The following RAP1GAP2 variants were observed in gnomAD, a reference collection of about 807,000 sequenced individuals.
RAP1GAP2 encodes RAP1 GTPase activating protein 2, also known as rap1 GTPase-activating protein 2.
RAP1GAP2 carries 27 observed loss-of-function variants against 95.0 expected under a neutral mutation model. The ratio of observed to expected loss-of-function variants is 0.28; its 90% confidence interval spans 0.21 to 0.39. The LOEUF (loss-of-function observed/expected upper bound fraction) is 0.39. Ranked by LOEUF, RAP1GAP2 falls within the 10% of genes least tolerant of loss-of-function variation. The pLI is 1.00. For missense variants in RAP1GAP2, 771 were observed against 970.0 expected, an observed-to-expected ratio of 0.79 and a Z score of 2.72; for synonymous variants, 373 against 380.9, an observed-to-expected ratio of 0.98 and a Z score of 0.24.
intron 1 of RAP1GAP2, among the ~76,000 whole-genome samples, chr17:2,777,571 G>T (rs528943357): frequency 6.6e-6 from 1 of 152,122 alleles, no homozygotes; most frequent in South Asian, 2.1e-4. Context: ...TCAGGGGTCC[G>T]TGTAGACTGT....
rs558974736 is a variant in RAP1GAP2, at chr17:2,836,149, C to T, written c.80+35599C>T. ...CCTGTGGGAGAATGAGTGGTGTGGT[C>T]GTCCCCCTTGCCTGAAGCTGTTATT... On this transcript the variant is annotated intron_variant, in intron 2 of 24. Coordinates refer to ENST00000254695, the MANE Select transcript of RAP1GAP2 (RefSeq NM_015085.5). 7.2e-5 allele frequency among the ~76,000 whole-genome samples: 11 copies of T among 152,146 alleles called. No homozygotes were observed. In the East Asian group the frequency reaches 9.7e-4, roughly 13 times the overall value.
intron 2 of RAP1GAP2, among the ~76,000 whole-genome samples, chr17:2,887,825 C>T (rs1458478251): frequency 6.6e-6 from 1 of 151,784 alleles, no homozygotes; most frequent in African/African-American, 2.4e-5. Flanking sequence ...CAGGTGCATA[C>T]CACCACACTG....
chr17:2,965,760 T>G lies in RAP1GAP2; in HGVS notation c.596+117T>G, dbSNP rs1008903229. On this transcript the variant is annotated intron_variant, in intron 8 of 24. Coordinates refer to ENST00000254695, the MANE Select transcript of RAP1GAP2 (RefSeq NM_015085.5). The surrounding 1 kb of genome is among the most constrained non-coding windows in gnomAD (Gnocchi z 4.7). ...ACTGACCAGTCTGGTCTGGGTGCACTGGCTGACGGGGACAGGCCTGCTGGA... is the reference window on the plus strand; with the variant it reads ...ACTGACCAGTCTGGTCTGGGTGCACGGGCTGACGGGGACAGGCCTGCTGGA... 2 of 773,606 alleles carry G rather than the reference T, an allele frequency of 2.6e-6. No homozygotes were observed. The highest frequency in any genetic ancestry group is 3.7e-4 in the Middle Eastern group (1 of 2,706). The allele number at this position is 773,606 out of a possible 1,614,324, so 47.9% of individuals were successfully genotyped here.
Position 3,005,807 on chromosome 17 carries a change from T to G in RAP1GAP2, c.1273-148T>G. ...TTGTTGGGATATTTGCAAGTGGGCT[T>G]GGCCTGGGCTAGAAATGATCCGCTG... On this transcript the variant is annotated intron_variant, in intron 15 of 24. Transcript: ENST00000254695. This position sits in a 1 kb window ranked among gnomAD's most constrained non-coding sequence, Gnocchi z 5.2. 2 of 758,804 alleles carry G rather than the reference T, an allele frequency of 2.6e-6. No individual in the cohort carries two copies. Among genetic ancestry groups the G allele is most frequent in the Non-Finnish European group, 4.5e-6 (2 of 448,240 alleles). 47.0% of individuals were successfully genotyped at this position (758,804 alleles called of 1,614,324 possible). A position where few individuals can be genotyped will look rare whatever the true frequency, so the allele number is the denominator to read the frequency against.
In RAP1GAP2 at chr17:2,849,998, G is replaced by GTTTTTTTTTTTTTTTTTTTTTT. The variant is rs1363363543; in HGVS notation, c.80+49448_80+49449insTTTTTTTTTTTTTTTTTTTTTT. ...GTGTCACTAACACCTAACACTGCCTGCTTTTTTTTTTTTTTTTTTTGAGAT... is the reference window on the plus strand; with the variant it reads ...GTGTCACTAACACCTAACACTGCCTGTTTTTTTTTTTTTTTTTTTTTTCTTTTTTTTTTTTTTTTTTTGAGAT... On this transcript the variant is annotated intron_variant, in intron 2 of 24. Transcript: ENST00000254695. Among the ~76,000 whole-genome samples, 8 of 136,130 alleles carry GTTTTTTTTTTTTTTTTTTTTTT rather than the reference G, an allele frequency of 5.9e-5. 1 individual carries two copies. The highest frequency in any genetic ancestry group is 4.7e-5 in the Non-Finnish European group (3 of 63,960). The allele number at this position is 136,130 out of a possible 152,430, so 89.3% of individuals were successfully genotyped here. A position where few individuals can be genotyped will look rare whatever the true frequency, so the allele number is the denominator to read the frequency against.
chr17:2,778,487 C>T (rs571144775), intron 1 of RAP1GAP2, among the ~76,000 whole-genome samples: 13 of 152,130 alleles, frequency 8.5e-5, no homozygotes, highest in South Asian at 4.1e-4. Flanking sequence ...AGAAGAGGAC[C>T]CTGCTGCTGG....
chr17:2,796,233 G>T (rs542024620), upstream of RAP1GAP2, among the ~76,000 whole-genome samples: 4 of 152,276 alleles, frequency 2.6e-5, no homozygotes, highest in Middle Eastern at 3.4e-3. This position sits in a 1 kb window ranked among gnomAD's most constrained non-coding sequence, Gnocchi z 4.7. Context: ...TGGGGCTGTG[G>T]AGCAATCTGC....
At position 3,018,201 on chromosome 17, in the gene RAP1GAP2, G is replaced by A. The variant is rs1194576825; in HGVS notation, c.1632+3G>A. ...AGGTCACCAAGACCACCTTCTCGGTGAGTGCTGGCAGGCCCCGGGGCGGCA... is the reference window on the plus strand; with the variant it reads ...AGGTCACCAAGACCACCTTCTCGGTAAGTGCTGGCAGGCCCCGGGGCGGCA... On this transcript the variant is annotated splice_donor_region_variant and intron_variant, in intron 18 of 24. Transcript: ENST00000254695. 5 of 1,563,742 alleles carry A rather than the reference G, an allele frequency of 3.2e-6. No homozygotes were observed. In the African/African-American group the frequency reaches 5.5e-5, roughly 17 times the overall value.
chr17:2,935,418 A>G lies in RAP1GAP2; in HGVS notation c.166-22341A>G, dbSNP rs58816598. Among the ~76,000 whole-genome samples the G allele has an allele frequency of 3.8e-3, 585 of 152,188 alleles. 7 individuals are homozygous for G. Among genetic ancestry groups the G allele is most frequent in the African/African-American group, 0.013 (559 of 41,520 alleles). ...GCTACTTGGGAGGCTGAGGCAGGAT[A>G]ATTGCTTGAACCTGGTAGGCGGAGG... On this transcript the variant is annotated intron_variant, in intron 3 of 24. Coordinates refer to ENST00000254695, the MANE Select transcript of RAP1GAP2 (RefSeq NM_015085.5).
rs186303706 is a variant in RAP1GAP2, at chr17:2,975,612, G to A, written c.597-4675G>A. On this transcript the variant is annotated intron_variant, in intron 8 of 24. Coordinates refer to ENST00000254695, the MANE Select transcript of RAP1GAP2 (RefSeq NM_015085.5). ...CCGGGCTCTCTTCACCCTCCCTGATGGGCGTGTTTGGGAGCAGGAACTCAC... is the reference window on the plus strand; with the variant it reads ...CCGGGCTCTCTTCACCCTCCCTGATAGGCGTGTTTGGGAGCAGGAACTCAC... Among the ~76,000 whole-genome samples the A allele has an allele frequency of 6.2e-3, 952 of 152,332 alleles. 5 individuals are homozygous for A. Among genetic ancestry groups the A allele is most frequent in the Non-Finnish European group, 9.8e-3 (667 of 68,026 alleles).
chr17:2,838,660 A>T (rs752730659), intron 2 of RAP1GAP2, among the ~76,000 whole-genome samples: 5 of 152,110 alleles, frequency 3.3e-5, no homozygotes, highest in Admixed American at 2.6e-4. Flanking sequence ...GTGGAATTGG[A>T]TGAATTGGCG....
intron 2 of RAP1GAP2, among the ~76,000 whole-genome samples, chr17:2,838,508 A>G (rs1002005263): frequency 6.6e-6 from 1 of 152,060 alleles, no homozygotes; most frequent in African/African-American, 2.4e-5. Context: ...CTGTACTGGG[A>G]TGGTGACCTG....
At chr17:2,879,917 G>A (rs892081870) in intron 2 of RAP1GAP2, among the ~76,000 whole-genome samples, 4 of 152,090 alleles carry the variant, frequency 2.6e-5, no homozygotes, top group African/African-American at 9.7e-5. Flanking sequence ...TCTGCTGTCT[G>A]TTCATGTCTC....
intron 2 of RAP1GAP2, among the ~76,000 whole-genome samples, chr17:2,771,343 A>G (rs1440758918): frequency 6.6e-6 from 1 of 152,100 alleles, no homozygotes; most frequent in Non-Finnish European, 1.5e-5. Context: ...CTCTTCCCCC[A>G]GCACTGGACA....
intron 3 of RAP1GAP2, among the ~76,000 whole-genome samples, chr17:2,953,801 C>T (rs1030543901): frequency 3.9e-5 from 6 of 152,084 alleles, no homozygotes; most frequent in East Asian, 1.9e-4. Flanking sequence ...GAGCTGACAT[C>T]GCGCCATTGC....
At chr17:2,820,683 C>T (rs1452581639) in intron 2 of RAP1GAP2, among the ~76,000 whole-genome samples, 2 of 151,382 alleles carry the variant, frequency 1.3e-5, no homozygotes, top group African/African-American at 2.4e-5. Context: ...TTCCCATTCC[C>T]CACGTCCTCA....
intron 14 of RAP1GAP2, among the ~76,000 whole-genome samples, chr17:3,002,465 G>T (rs562526050): frequency 1.3e-5 from 2 of 152,194 alleles, no homozygotes; most frequent in Admixed American, 6.5e-5. Context: ...TCCCCAAAGC[G>T]CTGTCCATCC....
At chr17:2,959,504 C>T (rs761993369) in intron 4 of RAP1GAP2, among the ~76,000 whole-genome samples, 13 of 152,212 alleles carry the variant, frequency 8.5e-5, no homozygotes, top group Non-Finnish European at 1.6e-4. Flanking sequence ...AAGAAGCTCA[C>T]GTATGGGGCA....
intron 2 of RAP1GAP2, among the ~76,000 whole-genome samples, chr17:2,847,035 G>C (rs2071617214): frequency 6.6e-6 from 1 of 152,188 alleles, no homozygotes; most frequent in African/African-American, 2.4e-5. Context: ...TTGAGACGGA[G>C]TCTTGCTCTG....
Sources: allele counts gnomAD v4.1 joint callset (sites outside exome capture counted in the v4.1 genomes callset), GRCh38; gene constraint gnomAD v4.1.1; non-coding constraint Gnocchi (gnomAD v3.1); transcripts MANE v1.5; gene names NCBI Gene and HGNC (gene_info 2026-07-23, HGNC 2026-07-21).